Variants in MROH9 observed in about 807,000 individuals in gnomAD.
The protein encoded by MROH9 is maestro heat-like repeat-containing protein family member 9.
MROH9 carries 92 observed loss-of-function variants against 98.2 expected under a neutral mutation model. The observed-to-expected ratio is 0.94, with a 90% CI of 0.79 to 1.11. MROH9 has a LOEUF of 1.11. Among genes scored for constraint, MROH9 ranks in the 50% most tolerant of loss-of-function variants. The pLI is 0.00. For missense variants in MROH9, 1,057 were observed against 1,014.8 expected, an observed-to-expected ratio of 1.04 and a Z score of -0.57; for synonymous variants, 397 against 368.9, an observed-to-expected ratio of 1.08 and a Z score of -0.87.
At chr1:171,055,118 C>T (rs1231760131) in intron 20 of MROH9, among the ~76,000 whole-genome samples, 1 of 151,368 alleles carries the variant, frequency 6.6e-6, no homozygotes, top group East Asian at 1.9e-4. Flanking sequence ...CCTAAATGTC[C>T]GTCAATCAAC....
Position 170,959,482 on chromosome 1 carries a change from A to G in MROH9, c.173A>G (p.Gln58Arg), listed in dbSNP as rs200359607. The G allele has an allele frequency of 9.8e-5, 158 of 1,610,724 alleles. No individual in the cohort carries two copies. The highest frequency in any genetic ancestry group is 1.2e-4 in the Non-Finnish European group (142 of 1,178,678). The change falls in exon 5 of 22, where the codon CAG (glutamine) becomes CGG (arginine). Residue 58 changes from glutamine (Q) to arginine (R), a missense_variant. Transcript: ENST00000367759. The stretch of plus-strand genomic sequence containing the variant: ...GTCAGCTTTGTGGATCCCTTACTGC[A>G]GTTTGAATCTCAGTTGAAGATAATA... ...VNSSFVDPLL[Q>R]FESQLKIIES...
chr1:171,058,700 A>C (rs896217550), intron 20 of MROH9, among the ~76,000 whole-genome samples: 1 of 152,202 alleles, frequency 6.6e-6, no homozygotes, highest in Non-Finnish European at 1.5e-5. Context: ...ACACATCTAC[A>C]ACCATCTGAC....
intron 17 of MROH9, among the ~76,000 whole-genome samples, chr1:171,021,524 T>C (rs1257643831): frequency 6.6e-6 from 1 of 152,028 alleles, no homozygotes; most frequent in East Asian, 1.9e-4. Flanking sequence ...ATTCCCTATT[T>C]AATAAATGGT....
At chr1:170,973,395 G>GA (rs1347830142) in intron 8 of MROH9, among the ~76,000 whole-genome samples, 9 of 151,516 alleles carry the variant, frequency 5.9e-5, no homozygotes, top group South Asian at 2.1e-4. Context: ...CTCATTAGGA[G>GA]AAAAAAAATC....
intron 8 of MROH9, among the ~76,000 whole-genome samples, chr1:170,978,783 T>C (rs1171578943): frequency 6.6e-6 from 1 of 152,090 alleles, no homozygotes; most frequent in East Asian, 1.9e-4. Context: ...GAGACCTGTG[T>C]GGAAAATAGC....
At chr1:171,063,983 A>G (rs1654090665) in intron 21 of MROH9, 116 bp from the exon 22 acceptor site, 2 of 1,023,572 alleles carry the variant, frequency 2.0e-6, no homozygotes, top group Middle Eastern at 2.1e-4. Flanking sequence ...GGGAATGCAG[A>G]GGAGAGATGG....
intron 2 of MROH9, among the ~76,000 whole-genome samples, chr1:170,946,914 A>G (rs1457391855): frequency 6.6e-6 from 1 of 152,038 alleles, no homozygotes; most frequent in Non-Finnish European, 1.5e-5. Flanking sequence ...TGAAGTTATA[A>G]TTCAAACAAA....
At chr1:170,956,792 C>T (rs1028817879) in intron 3 of MROH9, among the ~76,000 whole-genome samples, 4 of 151,820 alleles carry the variant, frequency 2.6e-5, no homozygotes, top group Admixed American at 1.3e-4. Context: ...ACGATCACAT[C>T]GTCAGCAAAC....
intron 20 of MROH9, among the ~76,000 whole-genome samples, chr1:171,044,217 A>T (rs530527186): frequency 1.3e-5 from 2 of 152,302 alleles, no homozygotes; most frequent in South Asian, 2.1e-4. Context: ...ATCAATTGAA[A>T]TGATCATATG....
At chr1:170,974,204 T>C (rs1293261856) in intron 8 of MROH9, among the ~76,000 whole-genome samples, 1 of 152,138 alleles carries the variant, frequency 6.6e-6, no homozygotes, top group Non-Finnish European at 1.5e-5. Context: ...CTAATACATA[T>C]TTTATTTGAG....
At chr1:170,971,685 A>C in intron 7 of MROH9, 63 bp from the exon 8 acceptor site, 1 of 1,566,264 alleles carries the variant, frequency 6.4e-7, no homozygotes, top group South Asian at 1.1e-5. Context: ...GATCAGATGC[A>C]TGCAGACATT....
chr1:170,994,924 A>C (rs28715204), intron 12 of MROH9, among the ~76,000 whole-genome samples: 12,229 of 139,772 alleles, frequency 0.087, 969 homozygotes, highest in African/African-American at 0.19. Context: ...GCCCAGACCC[A>C]TATTTCTGAT....
chr1:171,031,220 G>T (rs1652899791), intron 20 of MROH9, among the ~76,000 whole-genome samples: 1 of 152,082 alleles, frequency 6.6e-6, no homozygotes, highest in Admixed American at 6.6e-5. Context: ...CACACCAATG[G>T]ATCTTGACTC....
chr1:171,031,096 G>A (rs1342494894), intron 20 of MROH9, among the ~76,000 whole-genome samples: 4 of 152,094 alleles, frequency 2.6e-5, no homozygotes, highest in Admixed American at 2.0e-4. Context: ...TCAGAGACTA[G>A]CATTGCAACC....
At position 171,064,097 on chromosome 1, in the gene MROH9, A is replaced by G; in HGVS notation, c.2345-2A>G. On this transcript the variant is annotated splice_acceptor_variant, in intron 21 of 21. Transcript: ENST00000367759. LOFTEE classifies it high-confidence loss of function. Reference sequence around the variant, plus strand: ...GAACTAAAGTCTCTTCTGATATTACAGTTATTGAACGACTGCTCCGAGATG... The same window carrying G: ...GAACTAAAGTCTCTTCTGATATTACGGTTATTGAACGACTGCTCCGAGATG... 6.5e-7 allele frequency: 1 copy of G among 1,532,336 alleles called. No homozygotes were observed. The highest frequency in any genetic ancestry group is 1.4e-5 in the African/African-American group (1 of 71,502). The allele number at this position is 1,532,336 out of a possible 1,614,324, so 94.9% of individuals were successfully genotyped here.
chr1:171,016,628 T>G (rs1184027804), intron 17 of MROH9, among the ~76,000 whole-genome samples: 2 of 152,122 alleles, frequency 1.3e-5, no homozygotes, highest in Non-Finnish European at 2.9e-5. Flanking sequence ...TGGGTTCAAA[T>G]CCCTCTTCCA....
chr1:171,024,913 A>T (rs746097959), intron 19 of MROH9, 148 bp downstream of exon 19: 11 of 604,818 alleles, frequency 1.8e-5, no homozygotes, highest in Non-Finnish European at 3.2e-5. Context: ...TTATAGCTGG[A>T]GCTTGAGCCG....
At chr1:170,989,336 A>G (rs1181273093) in intron 10 of MROH9, among the ~76,000 whole-genome samples, 3 of 152,154 alleles carry the variant, frequency 2.0e-5, no homozygotes, top group Non-Finnish European at 4.4e-5. Context: ...AAAAAGGGGG[A>G]AAAATGACAC....
At chr1:170,959,381 A>C in intron 4 of MROH9, 81 bp from the exon 5 acceptor site, 1 of 1,290,432 alleles carries the variant, frequency 7.7e-7, no homozygotes, top group Non-Finnish European at 1.0e-6. Flanking sequence ...TCTCAAAATA[A>C]ATAAATAAAT....
Sources: allele counts gnomAD v4.1 joint callset (sites outside exome capture counted in the v4.1 genomes callset), GRCh38; gene constraint gnomAD v4.1.1; transcripts MANE v1.5; gene names NCBI Gene and HGNC (gene_info 2026-07-23, HGNC 2026-07-21).